Variants in MGMT observed in about 807,000 individuals in gnomAD.
MGMT encodes the protein methylated-DNA--protein-cysteine methyltransferase.
Under a neutral mutation model 15.9 loss-of-function variants are expected in MGMT, and 14 were observed. The observed-to-expected ratio is 0.88, with a 90% CI of 0.58 to 1.37. MGMT has a LOEUF of 1.37. Ranked by LOEUF, MGMT falls within the 40% of genes most tolerant of loss-of-function variation. MGMT has a pLI of 0.00. For synonymous variants in MGMT, 130 were observed against 118.2 expected, an observed-to-expected ratio of 1.10 and a Z score of -0.65; for missense variants, 282 against 268.1, an observed-to-expected ratio of 1.05 and a Z score of -0.36.
intron 3 of MGMT, among the ~76,000 whole-genome samples, chr10:129,710,772 TGGAAG>T (rs2133145220): frequency 6.6e-6 from 1 of 152,344 alleles, no homozygotes; most frequent in South Asian, 2.1e-4. Context: ...CAGAGCCGCC[TGGAAG>T]CTGTGGAGTA....
At chr10:129,726,543 G>A (rs1056727702) in intron 3 of MGMT, among the ~76,000 whole-genome samples, 12 of 152,204 alleles carry the variant, frequency 7.9e-5, no homozygotes, top group African/African-American at 1.4e-4. Context: ...GCAGCCTCAC[G>A]CAGACTGAGC....
rs1390409165 is a variant in MGMT at position 129,555,587 on chromosome 10, C to T, written c.125+19210C>T. 2.0e-5 allele frequency among the ~76,000 whole-genome samples: 3 copies of T among 151,852 alleles called. No homozygotes were observed. In the East Asian group the frequency reaches 5.8e-4, roughly 29 times the overall value. On this transcript the variant is annotated intron_variant, in intron 2 of 4. Coordinates refer to ENST00000651593, the MANE Select transcript of MGMT (RefSeq NM_002412.5). ...AAAATTATCCAGGCCTGGTGGAAGGCGTCTGCAGTGTCAGCTACTCAGGAG... is the reference window on the plus strand; with the variant it reads ...AAAATTATCCAGGCCTGGTGGAAGGTGTCTGCAGTGTCAGCTACTCAGGAG...
chr10:129,565,259 A>G (rs887606201), intron 2 of MGMT, among the ~76,000 whole-genome samples: 6 of 151,898 alleles, frequency 4.0e-5, no homozygotes, highest in African/African-American at 9.7e-5. Context: ...AAAGAATTAT[A>G]GGTACCTTGA....
intron 2 of MGMT, among the ~76,000 whole-genome samples, chr10:129,576,197 C>T (rs1846480614): frequency 6.6e-6 from 1 of 152,220 alleles, no homozygotes; most frequent in Non-Finnish European, 1.5e-5. Context: ...AGGCCAGCAT[C>T]ATCCTGATAC....
intron 3 of MGMT, among the ~76,000 whole-genome samples, chr10:129,725,401 G>C (rs1848420987): frequency 1.3e-5 from 2 of 152,216 alleles, no homozygotes; most frequent in South Asian, 4.1e-4. Flanking sequence ...TGGATCAAAT[G>C]ATGAAGGCAG....
intron 2 of MGMT, among the ~76,000 whole-genome samples, chr10:129,683,171 A>G (rs1847871637): frequency 6.6e-6 from 1 of 152,210 alleles, no homozygotes; most frequent in African/African-American, 2.4e-5. Flanking sequence ...TAAAAAGAGA[A>G]AATGGACAAG....
At chr10:129,527,472 A>G (rs1845883671) in intron 1 of MGMT, among the ~76,000 whole-genome samples, 1 of 152,130 alleles carries the variant, frequency 6.6e-6, no homozygotes, top group African/African-American at 2.4e-5. Context: ...GTGTTCCCTG[A>G]GGTTCCAGTG....
chr10:129,598,908 T>G (rs1486061295), intron 2 of MGMT, among the ~76,000 whole-genome samples: 1 of 151,996 alleles, frequency 6.6e-6, no homozygotes, highest in Non-Finnish European at 1.5e-5. Flanking sequence ...TTTTAAAGAG[T>G]CCTTTATTAC....
intron 2 of MGMT, among the ~76,000 whole-genome samples, chr10:129,585,882 C>T (rs1846612608): frequency 1.3e-5 from 2 of 152,050 alleles, no homozygotes; most frequent in South Asian, 4.2e-4. Context: ...AACAACATGC[C>T]AGCATCACTA....
chr10:129,757,236 T>G (rs547770528), intron 3 of MGMT, among the ~76,000 whole-genome samples: 139 of 152,350 alleles, frequency 9.1e-4, no homozygotes, highest in Non-Finnish European at 1.7e-3. Flanking sequence ...TATGGACATA[T>G]AATTGTTTTA....
At chr10:129,484,430 C>T (rs1845388126) in intron 1 of MGMT, among the ~76,000 whole-genome samples, 1 of 152,188 alleles carries the variant, frequency 6.6e-6, no homozygotes, top group Non-Finnish European at 1.5e-5. Context: ...TTAGAGACTG[C>T]ATTTTACATC....
chr10:129,696,769 G>T (rs763177466), intron 2 of MGMT, among the ~76,000 whole-genome samples: 1 of 152,192 alleles, frequency 6.6e-6, no homozygotes, highest in Non-Finnish European at 1.5e-5. Context: ...GTGCCTGGCT[G>T]TTTGTCCCAG....
In MGMT at chr10:129,707,800, G is replaced by A. The variant is rs559991204; in HGVS notation, c.126-95G>A. The A allele has an allele frequency of 2.5e-5, 38 of 1,527,370 alleles. No homozygotes were observed. The East Asian group carries it at 6.1e-4, about 24-fold the overall frequency. The allele number at this position is 1,527,370 out of a possible 1,614,324, so 94.6% of individuals were successfully genotyped here. On this transcript the variant is annotated intron_variant, in intron 2 of 4. Transcript: ENST00000651593. Reference sequence around the variant, plus strand: ...CGTGTGTGCCCATGAAGCAGCCACAGGTGTTTGCCCGTTTAGATGCAGTAG... The same window carrying A: ...CGTGTGTGCCCATGAAGCAGCCACAAGTGTTTGCCCGTTTAGATGCAGTAG...
intron 1 of MGMT, among the ~76,000 whole-genome samples, chr10:129,488,536 T>C (rs1441719070): frequency 2.0e-5 from 3 of 152,232 alleles, no homozygotes; most frequent in African/African-American, 7.2e-5. Context: ...TTATAGTGCC[T>C]TTTGATGGAC....
chr10:129,715,226 A>G (rs1848280204), intron 3 of MGMT, among the ~76,000 whole-genome samples: 2 of 152,242 alleles, frequency 1.3e-5, no homozygotes, highest in Non-Finnish European at 2.9e-5. Flanking sequence ...AACTCTGGTG[A>G]AGTAATTAAA....
chr10:129,760,217 T>C (rs1388891903), intron 4 of MGMT, among the ~76,000 whole-genome samples: 1 of 152,238 alleles, frequency 6.6e-6, no homozygotes, highest in Non-Finnish European at 1.5e-5. Context: ...AGTCACAGCA[T>C]GCCATGTGCG....
rs201622324 is a variant in MGMT, at chr10:129,601,146, C to A, written c.125+64769C>A. ...AAAAATTCAACGCATTGGGAAGAGGCGTCAACATTTGAACCGCAAATGATT... is the reference window on the plus strand; with the variant it reads ...AAAAATTCAACGCATTGGGAAGAGGAGTCAACATTTGAACCGCAAATGATT... On this transcript the variant is annotated intron_variant, in intron 2 of 4. Coordinates refer to ENST00000651593, the MANE Select transcript of MGMT (RefSeq NM_002412.5). 4.6e-5 allele frequency among the ~76,000 whole-genome samples: 7 copies of A among 150,816 alleles called. No homozygotes were observed. In the East Asian group the frequency reaches 1.4e-3, roughly 29 times the overall value.
intron 1 of MGMT, among the ~76,000 whole-genome samples, chr10:129,506,558 C>T (rs1845627403): frequency 6.6e-6 from 1 of 152,138 alleles, no homozygotes; most frequent in Non-Finnish European, 1.5e-5. Context: ...GGCATTTATG[C>T]TCATGCCCAG....
chr10:129,604,729 G>A (rs1322586734), intron 2 of MGMT, among the ~76,000 whole-genome samples: 9 of 97,878 alleles, frequency 9.2e-5, no homozygotes, highest in African/African-American at 3.0e-4. Flanking sequence ...ACCCCACCTC[G>A]CCGCCCCACC....
Sources: gnomAD v4.1 joint callset for allele counts (sites outside exome capture counted in the v4.1 genomes callset) on GRCh38, gnomAD v4.1.1 for gene constraint, MANE v1.5 for transcripts, NCBI Gene and HGNC (gene_info 2026-07-23, HGNC 2026-07-21) for gene names.